RAB38: variants seen among roughly 807,000 people sequenced by gnomAD.
RAB38 encodes RAB38, member RAS oncogene family.
A neutral mutation model predicts 18.4 loss-of-function variants in RAB38; 15 were observed. That is an observed-to-expected ratio of 0.82 (90% CI 0.55 to 1.26). RAB38 has a LOEUF of 1.26. Ranked by LOEUF, RAB38 falls within the 50% of genes most tolerant of loss-of-function variation. RAB38 has a pLI of 0.00. For missense variants in RAB38, 294 were observed against 267.4 expected (o/e 1.10, Z -0.69); for synonymous variants, 101 against 104.4 (o/e 0.97, Z 0.20).
At chr11:88,082,157 A>AT in the RAB38 span, among the ~76,000 whole-genome samples, 14 of 151,870 alleles carry the variant, frequency 9.2e-5, no homozygotes, top group Non-Finnish European at 2.1e-4. Context: ...AAAATGATCA[A>AT]TAATAGAATT....
the RAB38 span, among the ~76,000 whole-genome samples, chr11:88,036,551 G>A: frequency 2.0e-5 from 3 of 151,574 alleles, no homozygotes; most frequent in Non-Finnish European, 2.9e-5. Context: ...ACTTAATAAA[G>A]CTCACAATTT....
At chr11:87,840,919 T>C in the RAB38 span, among the ~76,000 whole-genome samples, 1 of 152,148 alleles carries the variant, frequency 6.6e-6, no homozygotes, top group Non-Finnish European at 1.5e-5. Context: ...CTGTAGAGCA[T>C]AGTGATTAAA....
At chr11:87,965,527 G>A in the RAB38 span, among the ~76,000 whole-genome samples, 3 of 152,050 alleles carry the variant, frequency 2.0e-5, no homozygotes, top group Non-Finnish European at 2.9e-5. Flanking sequence ...CACACACTCC[G>A]CTCAACTCCT....
chr11:88,013,899 C>T, the RAB38 span, among the ~76,000 whole-genome samples: 1 of 152,268 alleles, frequency 6.6e-6, no homozygotes, highest in African/African-American at 2.4e-5. Flanking sequence ...GTACCCTTTA[C>T]ATATTGCTAC....
At chr11:88,096,747 A>T in the RAB38 span, among the ~76,000 whole-genome samples, 1 of 151,924 alleles carries the variant, frequency 6.6e-6, no homozygotes, top group Admixed American at 6.6e-5. Context: ...TTCTGTATGT[A>T]GAAAATATTC....
chr11:88,031,462 C>T, the RAB38 span, among the ~76,000 whole-genome samples: 2 of 151,812 alleles, frequency 1.3e-5, no homozygotes, highest in African/African-American at 2.4e-5. Context: ...GATGACATGA[C>T]TGTATATCGA....
At chr11:87,831,706 A>G in the RAB38 span, among the ~76,000 whole-genome samples, 1 of 152,338 alleles carries the variant, frequency 6.6e-6, no homozygotes, top group African/African-American at 2.4e-5. Flanking sequence ...TCAGCAGTCT[A>G]GATTTAATGT....
the RAB38 span, among the ~76,000 whole-genome samples, chr11:87,973,898 T>A: frequency 6.6e-6 from 1 of 151,912 alleles, no homozygotes; most frequent in African/African-American, 2.4e-5. Context: ...CCATGCCCTA[T>A]TTTGAGGGAT....
the RAB38 span, among the ~76,000 whole-genome samples, chr11:87,865,366 A>G: frequency 6.6e-6 from 1 of 151,458 alleles, no homozygotes; most frequent in South Asian, 2.1e-4. Context: ...GGAAAAAATA[A>G]AAGGAAATAA....
At chr11:88,157,175 A>G (rs1262045776) in intron 1 of RAB38, among the ~76,000 whole-genome samples, 1 of 152,216 alleles carries the variant, frequency 6.6e-6, no homozygotes, top group Non-Finnish European at 1.5e-5. Context: ...AGAAAACAAA[A>G]AAGAGCCCAG....
the RAB38 span, among the ~76,000 whole-genome samples, chr11:87,965,946 T>C: frequency 6.6e-6 from 1 of 152,178 alleles, no homozygotes; most frequent in Admixed American, 6.5e-5. Context: ...AACAATGTTA[T>C]GTATCTGCTT....
chr11:87,854,337 T>C, the RAB38 span, among the ~76,000 whole-genome samples: 1 of 152,184 alleles, frequency 6.6e-6, no homozygotes. Context: ...GCCTATTTTG[T>C]TAATTGTGCA....
At chr11:87,923,563 G>GTGTGTGTGTGTGCA in the RAB38 span, among the ~76,000 whole-genome samples, 1 of 151,134 alleles carries the variant, frequency 6.6e-6, no homozygotes, top group African/African-American at 2.4e-5. Flanking sequence ...GTGTGTGTGT[G>GTGTGTGTGTGTGCA]TGTGTGTGTG....
At chr11:87,949,133 G>C in the RAB38 span, among the ~76,000 whole-genome samples, 8 of 152,140 alleles carry the variant, frequency 5.3e-5, no homozygotes, top group South Asian at 8.3e-4. Flanking sequence ...TGTATGTGTC[G>C]AAGAATTTAT....
At chr11:87,879,247 C>T in the RAB38 span, among the ~76,000 whole-genome samples, 2 of 151,474 alleles carry the variant, frequency 1.3e-5, no homozygotes, top group African/African-American at 4.8e-5. Flanking sequence ...GGACTGTATA[C>T]ACTCATAAAT....
the RAB38 span, among the ~76,000 whole-genome samples, chr11:88,090,766 A>G: frequency 6.6e-6 from 1 of 151,930 alleles, no homozygotes; most frequent in Admixed American, 6.6e-5. Flanking sequence ...CAAATGCCAA[A>G]AAACCTACAG....
the RAB38 span, among the ~76,000 whole-genome samples, chr11:87,938,483 G>A: frequency 1.3e-3 from 194 of 152,208 alleles, 2 homozygotes; most frequent in African/African-American, 4.3e-3. Context: ...AAAGGGAGAA[G>A]TCCAGTTTCC....
intron 2 of RAB38, among the ~76,000 whole-genome samples, chr11:88,143,158 TTAGC>T (rs1942937381): frequency 6.6e-6 from 1 of 152,238 alleles, no homozygotes; most frequent in South Asian, 2.1e-4. Context: ...AATGAGATCT[TTAGC>T]TAGTCACTCT....
intron 2 of RAB38, among the ~76,000 whole-genome samples, chr11:88,139,894 GTTTC>G (rs1361025460): frequency 2.0e-5 from 3 of 152,174 alleles, no homozygotes; most frequent in African/African-American, 7.2e-5. Flanking sequence ...CCAGAATTCT[GTTTC>G]TTTCTTAGTA....
Sources: allele counts gnomAD v4.1 joint callset (sites outside exome capture counted in the v4.1 genomes callset), GRCh38; gene constraint gnomAD v4.1.1; transcripts MANE v1.5; gene names NCBI Gene and HGNC (gene_info 2026-07-23, HGNC 2026-07-21).